RAF1: variants seen among roughly 807,000 people sequenced by gnomAD.
RAF1 encodes Raf-1 proto-oncogene, serine/threonine kinase.
In RAF1, 27 loss-of-function variants were observed where a neutral mutation model predicts 81.1. The ratio of observed to expected loss-of-function variants is 0.33; its 90% CI spans 0.25 to 0.46. The LOEUF is 0.46. Ranked by LOEUF, RAF1 falls within the 20% of genes least tolerant of loss-of-function variation. The probability of loss-of-function intolerance (pLI) is 1.00; values close to 1 mark genes in which losing one functional copy is unlikely to be tolerated. For synonymous variants in RAF1, 298 were observed against 294.0 expected, an observed-to-expected ratio of 1.01 and a Z score of -0.14; for missense variants, 598 against 826.0, an observed-to-expected ratio of 0.72 and a Z score of 3.38.
At chr3:12,632,358 A>C (rs1055681054) in intron 1 of RAF1, among the ~76,000 whole-genome samples, 9 of 150,692 alleles carry the variant, frequency 6.0e-5, no homozygotes, top group African/African-American at 2.2e-4. Flanking sequence ...GCTTGGGTGA[A>C]TTGTCAAAAT....
At chr3:12,641,889 G>T (rs1324510203) in intron 1 of RAF1, among the ~76,000 whole-genome samples, 1 of 152,044 alleles carries the variant, frequency 6.6e-6, no homozygotes, top group Non-Finnish European at 1.5e-5. Context: ...CAGTGTGGTG[G>T]CTCACGCCTG....
At chr3:12,596,135 A>AGT (rs1299686123) in intron 11 of RAF1, among the ~76,000 whole-genome samples, 3 of 151,126 alleles carry the variant, frequency 2.0e-5, no homozygotes, top group Non-Finnish European at 4.4e-5. Context: ...AGCCTCCCAA[A>AGT]GTGCTAGGGA....
At chr3:12,601,464 C>T (rs1365824611) in intron 8 of RAF1, among the ~76,000 whole-genome samples, 2 of 152,078 alleles carry the variant, frequency 1.3e-5, no homozygotes, top group Non-Finnish European at 2.9e-5. Context: ...AGACCTAAAC[C>T]CCAATCTAAA....
chr3:12,623,071 T>C (rs1259459695), intron 1 of RAF1, among the ~76,000 whole-genome samples: 1 of 152,158 alleles, frequency 6.6e-6, no homozygotes, highest in African/African-American at 2.4e-5. Context: ...ATAAATTTTA[T>C]TTTTTATATA....
At chr3:12,663,460 G>T (rs1220924543) in intron 1 of RAF1, among the ~76,000 whole-genome samples, 1 of 152,134 alleles carries the variant, frequency 6.6e-6, no homozygotes. Flanking sequence ...GGCGGCCCAA[G>T]AGAAAAGGAA....
rs183593822 is a variant in RAF1 at position 12,601,591 on chromosome 3, C to G, written c.895-1176G>C. ...CTACTATATTCTCTTTGTGTAACTA[C>G]AGTATAGACAAGATACTTGTTCCAC... On this transcript the variant is annotated intron_variant, in intron 8 of 17. Coordinates refer to ENST00000442415, the MANE Select transcript of RAF1 (RefSeq NM_001354689.3). 5.3e-5 allele frequency among the ~76,000 whole-genome samples: 8 copies of G among 152,190 alleles called. No individual in the cohort carries two copies. The East Asian group carries it at 1.5e-3, about 29-fold the overall frequency.
intron 1 of RAF1, among the ~76,000 whole-genome samples, chr3:12,634,852 C>T (rs1450888197): frequency 6.6e-6 from 1 of 152,112 alleles, no homozygotes; most frequent in Non-Finnish European, 1.5e-5. Flanking sequence ...TCAGATACTC[C>T]AGGTAGCTGA....
Position 12,657,001 on chromosome 3 carries a change from G to GAAA in RAF1, c.-27+6809_-27+6811dup, listed in dbSNP as rs948327519. ...GATAAGAGTGAAACTCCATCTCGGGGAAAAAAAAAAAAAAGAGGAATAGAT... is the reference window on the plus strand; with the variant it reads ...GATAAGAGTGAAACTCCATCTCGGGGAAAAAAAAAAAAAAAAAGAGGAATAGAT... On this transcript the variant is annotated intron_variant, in intron 1 of 17. Coordinates refer to ENST00000442415, the MANE Select transcript of RAF1 (RefSeq NM_001354689.3). Among the ~76,000 whole-genome samples, 12 of 147,496 alleles carry GAAA rather than the reference G, an allele frequency of 8.1e-5. No homozygotes were observed. In the South Asian group the frequency reaches 8.5e-4, roughly 10 times the overall value.
At chr3:12,593,652 T>C (rs974218145) in intron 11 of RAF1, among the ~76,000 whole-genome samples, 5 of 152,082 alleles carry the variant, frequency 3.3e-5, no homozygotes, top group Non-Finnish European at 7.4e-5. Context: ...TGGGACACCA[T>C]ATGGGAAACG....
chr3:12,596,167 C>A (rs2058679633), intron 11 of RAF1, among the ~76,000 whole-genome samples: 1 of 148,388 alleles, frequency 6.7e-6, no homozygotes, highest in African/African-American at 2.5e-5. Context: ...AACCACCACA[C>A]CTGGCCTATA....
intron 1 of RAF1, among the ~76,000 whole-genome samples, chr3:12,620,370 G>A (rs1206556565): frequency 1.3e-5 from 2 of 152,152 alleles, no homozygotes; most frequent in Non-Finnish European, 2.9e-5. Context: ...TTGACCTCGT[G>A]ATCTGTCCGC....
intron 1 of RAF1, among the ~76,000 whole-genome samples, chr3:12,642,276 C>T (rs2060210374): frequency 6.7e-6 from 1 of 149,834 alleles, no homozygotes; most frequent in Non-Finnish European, 1.5e-5. Context: ...CGGTGAAACC[C>T]CATTTCTACT....
Position 12,608,796 on chromosome 3 carries a change from C to A in RAF1, c.551G>T (p.Cys184Phe). 6.2e-7 allele frequency: 1 copy of A among 1,614,194 alleles called. No individual in the cohort carries two copies. Among genetic ancestry groups the A allele is most frequent in the Non-Finnish European group, 8.5e-7 (1 of 1,180,026 alleles). ...TTGTCTGATGTTACTCCAGTCCACA[C>A]ACATAGTAGGTACTTTGGTGCTACA... Residue 184 changes from cysteine to phenylalanine, a missense_variant, in exon 5 of 18, where the codon TGT becomes TTT. By Grantham distance (205) the Cys-to-Phe change is radical. Around this residue, in one of 5 missense-constraint regions of RAF1, gnomAD observed 89 missense variants for 169.2 expected, o/e 0.53. Transcript: ENST00000442415.
intron 1 of RAF1, among the ~76,000 whole-genome samples, chr3:12,629,970 C>T (rs1196991559): frequency 6.6e-6 from 1 of 152,102 alleles, no homozygotes. Context: ...TCTGTAGAGA[C>T]GAAGTCTCAC....
chr3:12,587,685 T>C, intron 13 of RAF1, 48 bp from the exon 13 acceptor site: 2 of 1,498,922 alleles, frequency 1.3e-6, no homozygotes, highest in Middle Eastern at 1.7e-4. Flanking sequence ...GGGGCATGAG[T>C]AGAAAGCAGT....
rs777410630 is a variant in RAF1, at chr3:12,587,573, TCAA to T, written c.1477+15_1477+17del. On this transcript the variant is annotated intron_variant, in intron 14 of 17. Transcript: ENST00000442415. ...TTTAGAACCGAGCAGTCAAATGAAC[TCAA>T]CAACCAAAGGATACTGTTGGATTTC... 13 of 1,601,086 alleles carry T rather than the reference TCAA, an allele frequency of 8.1e-6. No homozygotes were observed. Among genetic ancestry groups the T allele is most frequent in the Non-Finnish European group, 6.0e-6 (7 of 1,168,130 alleles).
chr3:12,624,663 G>A (rs1440122861), intron 1 of RAF1, among the ~76,000 whole-genome samples: 2 of 152,174 alleles, frequency 1.3e-5, no homozygotes, highest in Non-Finnish European at 2.9e-5. Flanking sequence ...AGTCTCTTAT[G>A]AATGGAGAAA....
intron 1 of RAF1, among the ~76,000 whole-genome samples, chr3:12,625,809 A>G (rs2059685814): frequency 6.6e-6 from 1 of 152,214 alleles, no homozygotes; most frequent in Non-Finnish European, 1.5e-5. Context: ...CACCTGGGCA[A>G]CACAGTGAGA....
chr3:12,634,123 A>C (rs2059947618), intron 1 of RAF1, among the ~76,000 whole-genome samples: 1 of 148,308 alleles, frequency 6.7e-6, no homozygotes, highest in African/African-American at 2.5e-5. Context: ...CATGATTACA[A>C]AAATTTGAAC....
Sources: allele counts gnomAD v4.1 joint callset (sites outside exome capture counted in the v4.1 genomes callset), GRCh38; gene constraint gnomAD v4.1.1; regional missense constraint gnomAD v4.1.1; transcripts MANE v1.5; gene names NCBI Gene and HGNC (gene_info 2026-07-23, HGNC 2026-07-21).